The following PRR16 variants were observed in gnomAD, a reference collection of about 807,000 sequenced individuals.
PRR16 encodes the protein proline rich 16.
Under a neutral mutation model 18.2 loss-of-function variants are expected in PRR16, and 6 were observed. The ratio of observed to expected loss-of-function variants is 0.33; its 90% CI spans 0.18 to 0.65. PRR16 has a LOEUF of 0.65. Among genes scored for constraint, PRR16 ranks in the 30% least tolerant of loss-of-function variants. The pLI is 0.74. For synonymous variants in PRR16, 151 were observed against 147.8 expected (o/e 1.02, Z -0.16); for missense variants, 412 against 376.6 (o/e 1.09, Z -0.78).
intron 1 of PRR16, among the ~76,000 whole-genome samples, chr5:120,507,799 A>C (rs914848827): frequency 2.0e-5 from 3 of 152,078 alleles, no homozygotes; most frequent in African/African-American, 7.2e-5. Flanking sequence ...GTGTCTTTAA[A>C]AAAAATTACT....
At chr5:120,535,337 A>G (rs1751681069) in intron 1 of PRR16, among the ~76,000 whole-genome samples, 1 of 152,222 alleles carries the variant, frequency 6.6e-6, no homozygotes, top group Admixed American at 6.5e-5. Context: ...AAATGTTAAT[A>G]TTTTACCAAT....
At chr5:120,550,161 A>G (rs949985495) in intron 1 of PRR16, among the ~76,000 whole-genome samples, 5 of 152,122 alleles carry the variant, frequency 3.3e-5, no homozygotes, top group African/African-American at 9.7e-5. Flanking sequence ...CATTATTACT[A>G]GAAAAGCATC....
chr5:120,784,022 T>C, the PRR16 span, among the ~76,000 whole-genome samples: 104 of 152,298 alleles, frequency 6.8e-4, no homozygotes, highest in African/African-American at 2.3e-3. Context: ...GTTCCAACCA[T>C]GTAATTACAA....
At chr5:120,720,321 T>G in the PRR16 span, among the ~76,000 whole-genome samples, 1 of 152,048 alleles carries the variant, frequency 6.6e-6, no homozygotes, top group Non-Finnish European at 1.5e-5. Flanking sequence ...CTGCCATTTT[T>G]CCACCAAAAT....
intron 1 of PRR16, among the ~76,000 whole-genome samples, chr5:120,608,869 AGGTCTTCATTTCCTTTATACTTC>A (rs1278097047): frequency 7.2e-5 from 11 of 152,146 alleles, no homozygotes; most frequent in Non-Finnish European, 1.5e-4. Flanking sequence ...ATATAAACTG[AGGTCTTCATTTCCTTTATACTTC>A]GGTCTTCATT....
intron 1 of PRR16, among the ~76,000 whole-genome samples, chr5:120,559,898 T>C (rs1227852644): frequency 6.6e-6 from 1 of 151,902 alleles, no homozygotes; most frequent in Non-Finnish European, 1.5e-5. Context: ...ACTTTATGTA[T>C]GGCTATTGTA....
At chr5:120,493,872 C>T (rs300956) in intron 1 of PRR16, among the ~76,000 whole-genome samples, 2 of 151,800 alleles carry the variant, frequency 1.3e-5, no homozygotes, top group Non-Finnish European at 1.5e-5. Context: ...ATGGTTTATT[C>T]TTTTTTTTGC....
the PRR16 span, among the ~76,000 whole-genome samples, chr5:120,788,728 ATTTC>A: frequency 3.1e-4 from 47 of 152,094 alleles, no homozygotes; most frequent in African/African-American, 1.0e-3. Flanking sequence ...GTTTTTTACT[ATTTC>A]TTTATCTTTC....
intron 1 of PRR16, among the ~76,000 whole-genome samples, chr5:120,668,475 G>A (rs1348895539): frequency 2.0e-5 from 3 of 151,576 alleles, no homozygotes; most frequent in Non-Finnish European, 4.4e-5. Flanking sequence ...ATATTGTTAT[G>A]TGTGAATTTG....
chr5:120,538,025 C>G (rs890591577), intron 1 of PRR16, among the ~76,000 whole-genome samples: 1 of 151,970 alleles, frequency 6.6e-6, no homozygotes, highest in Non-Finnish European at 1.5e-5. Flanking sequence ...ATCCGCCCGC[C>G]TCGGCCTCCC....
chr5:120,688,353 G>C (rs1407159108), downstream of PRR16, among the ~76,000 whole-genome samples: 1 of 152,046 alleles, frequency 6.6e-6, no homozygotes, highest in Admixed American at 6.6e-5. Flanking sequence ...GATAATGAAA[G>C]CAAAATAATC....
At chr5:120,697,068 A>G in the PRR16 span, among the ~76,000 whole-genome samples, 2 of 152,312 alleles carry the variant, frequency 1.3e-5, no homozygotes, top group East Asian at 3.9e-4. Context: ...ACTTTTTTAA[A>G]ACAAGTTTGA....
the PRR16 span, among the ~76,000 whole-genome samples, chr5:120,714,082 G>A: frequency 1.3e-5 from 2 of 151,254 alleles, no homozygotes; most frequent in Non-Finnish European, 2.9e-5. Context: ...TTTTTTTTAG[G>A]AAAACAATTT....
chr5:120,493,169 C>T (rs1481098752), intron 1 of PRR16, among the ~76,000 whole-genome samples: 1 of 152,110 alleles, frequency 6.6e-6, no homozygotes, highest in Non-Finnish European at 1.5e-5. Flanking sequence ...ATTTACATTC[C>T]CACCAGCAGT....
the PRR16 span, among the ~76,000 whole-genome samples, chr5:120,721,105 T>G: frequency 6.6e-6 from 1 of 152,112 alleles, no homozygotes. Flanking sequence ...GCTCCATAAA[T>G]AGTTGTTCAA....
the PRR16 span, among the ~76,000 whole-genome samples, chr5:120,780,111 C>T: frequency 6.6e-6 from 1 of 152,138 alleles, no homozygotes; most frequent in African/African-American, 2.4e-5. Flanking sequence ...AAAACTGAGT[C>T]TCAAAAACTA....
At chr5:120,789,361 C>A in the PRR16 span, among the ~76,000 whole-genome samples, 2 of 151,946 alleles carry the variant, frequency 1.3e-5, no homozygotes, top group Non-Finnish European at 2.9e-5. Context: ...TCCAAAAAAT[C>A]ATTAATTAGA....
chr5:120,761,294 T>A, the PRR16 span, among the ~76,000 whole-genome samples: 1 of 152,108 alleles, frequency 6.6e-6, no homozygotes, highest in African/African-American at 2.4e-5. Flanking sequence ...TGAACTTTGC[T>A]GATTACATCC....
intron 1 of PRR16, among the ~76,000 whole-genome samples, chr5:120,529,898 T>C (rs1187182766): frequency 2.0e-5 from 3 of 151,908 alleles, no homozygotes; most frequent in African/African-American, 7.3e-5. Flanking sequence ...GTAAACACAA[T>C]ACAGCAGGCT....
Sources: gnomAD v4.1 joint callset for allele counts (sites outside exome capture counted in the v4.1 genomes callset) on GRCh38, gnomAD v4.1.1 for gene constraint, MANE v1.5 for transcripts, NCBI Gene and HGNC (gene_info 2026-07-23, HGNC 2026-07-21) for gene names.